Variants in LRRC4C observed in about 807,000 individuals in gnomAD.
LRRC4C encodes leucine-rich repeat-containing protein 4C.
In LRRC4C, 5 loss-of-function variants were observed where a neutral mutation model predicts 33.6. The observed-to-expected ratio is 0.15, with a 90% CI of 0.08 to 0.31. The LOEUF is 0.31. Among genes scored for constraint, LRRC4C ranks in the 10% least tolerant of loss-of-function variants. The pLI is 1.00. For synonymous variants in LRRC4C, 329 were observed against 302.0 expected (o/e 1.09, Z -0.93); for missense variants, 560 against 796.7 (o/e 0.70, Z 3.58).
chr11:41,336,457 C>T (rs1016576111), intron 1 of LRRC4C, among the ~76,000 whole-genome samples: 2 of 151,090 alleles, frequency 1.3e-5, no homozygotes, highest in Non-Finnish European at 3.0e-5. Flanking sequence ...AAAAAAATAT[C>T]GGGGGCCATA....
intron 6 of LRRC4C, among the ~76,000 whole-genome samples, chr11:40,128,313 C>A (rs1045325083): frequency 6.6e-6 from 1 of 152,182 alleles, no homozygotes; most frequent in Non-Finnish European, 1.5e-5. Flanking sequence ...TCTTCTTTGA[C>A]TTTTCTTTTT....
At chr11:40,461,005 G>A (rs1211650547) in intron 3 of LRRC4C, among the ~76,000 whole-genome samples, 1 of 152,102 alleles carries the variant, frequency 6.6e-6, no homozygotes, top group Non-Finnish European at 1.5e-5. Context: ...TATACCTATG[G>A]TAGGTACAGC....
intron 3 of LRRC4C, among the ~76,000 whole-genome samples, chr11:40,514,831 G>A (rs1399219436): frequency 2.0e-5 from 3 of 152,084 alleles, no homozygotes; most frequent in South Asian, 4.1e-4. Flanking sequence ...TTGGCAAGAA[G>A]TTTGTTAGAA....
intron 1 of LRRC4C, among the ~76,000 whole-genome samples, chr11:41,117,417 T>C (rs886343074): frequency 2.6e-5 from 4 of 152,194 alleles, no homozygotes; most frequent in African/African-American, 9.7e-5. Context: ...GGCTAACTAA[T>C]TTTATGATAT....
At chr11:40,990,717 C>T (rs905728688) in intron 1 of LRRC4C, among the ~76,000 whole-genome samples, 2 of 152,232 alleles carry the variant, frequency 1.3e-5, no homozygotes, top group East Asian at 1.9e-4. Flanking sequence ...AAGAGAAGAA[C>T]ACAAACTAAA....
intron 1 of LRRC4C, among the ~76,000 whole-genome samples, chr11:41,456,767 C>T (rs1956182913): frequency 6.6e-6 from 1 of 152,064 alleles, no homozygotes; most frequent in South Asian, 2.1e-4. Flanking sequence ...TGAAACAAAC[C>T]CTGGTAAACG....
chr11:40,496,038 C>A (rs974971080), intron 3 of LRRC4C, among the ~76,000 whole-genome samples: 8 of 151,854 alleles, frequency 5.3e-5, no homozygotes, highest in African/African-American at 1.9e-4. Context: ...CCTGGTTTCA[C>A]CAGGCTGGTT....
intron 1 of LRRC4C, among the ~76,000 whole-genome samples, chr11:41,265,274 G>A (rs1393364228): frequency 6.6e-6 from 1 of 152,034 alleles, no homozygotes; most frequent in African/African-American, 2.4e-5. Flanking sequence ...CACTCTGCAG[G>A]TGAACAAACC....
At chr11:40,263,086 C>T (rs1040104595) in intron 4 of LRRC4C, among the ~76,000 whole-genome samples, 1 of 152,016 alleles carries the variant, frequency 6.6e-6, no homozygotes, top group Non-Finnish European at 1.5e-5. Context: ...AAATAAGATG[C>T]TCCACAGTTT....
intron 1 of LRRC4C, among the ~76,000 whole-genome samples, chr11:41,423,674 A>C (rs1014382173): frequency 6.6e-5 from 10 of 152,094 alleles, no homozygotes; most frequent in African/African-American, 2.4e-4. Flanking sequence ...TACTTCTCAA[A>C]CATCTCAGAA....
chr11:41,355,540 T>C (rs1303768393), intron 1 of LRRC4C, among the ~76,000 whole-genome samples: 1 of 152,148 alleles, frequency 6.6e-6, no homozygotes, highest in Non-Finnish European at 1.5e-5. Context: ...TTTGTATATA[T>C]ATCAAGAGGG....
intron 2 of LRRC4C, among the ~76,000 whole-genome samples, chr11:40,732,656 C>T (rs1947650039): frequency 6.6e-6 from 1 of 152,166 alleles, no homozygotes; most frequent in Non-Finnish European, 1.5e-5. Context: ...TTATCACAAT[C>T]ATTACCTTCA....
At position 41,390,847 on chromosome 11, in the gene LRRC4C, A is replaced by G. The variant is rs761834013; in HGVS notation, c.-496+68584T>C. On this transcript the variant is annotated intron_variant, in intron 1 of 6. Coordinates refer to ENST00000528697, the MANE Select transcript of LRRC4C (RefSeq NM_001258419.2). ...GTGGGCAAGGACTAAGTTTGTCTTC[A>G]TCACCCACTGTGTTCCTGGCAAAGT... Among the ~76,000 whole-genome samples, 37 of 151,868 alleles carry G rather than the reference A, an allele frequency of 2.4e-4. 1 individual carries two copies. The highest frequency in any genetic ancestry group is 1.9e-4 in the Non-Finnish European group (13 of 67,906).
intron 5 of LRRC4C, among the ~76,000 whole-genome samples, chr11:40,149,884 G>A (rs973309317): frequency 6.6e-5 from 10 of 152,252 alleles, no homozygotes; most frequent in Middle Eastern, 6.8e-3. Context: ...AGTCAGAGAT[G>A]TGGGTGGTGA....
intron 1 of LRRC4C, among the ~76,000 whole-genome samples, chr11:41,158,369 C>A (rs1944323546): frequency 6.6e-6 from 1 of 151,834 alleles, no homozygotes; most frequent in Non-Finnish European, 1.5e-5. Context: ...AGATTGGTTC[C>A]AAAAAGAGAA....
In LRRC4C at chr11:40,114,533, A is replaced by T; in HGVS notation, c.1760T>A (p.Met587Lys). The T allele has an allele frequency of 6.2e-7, 1 of 1,614,178 alleles. No individual in the cohort carries two copies. Among genetic ancestry groups the T allele is most frequent in the Non-Finnish European group, 8.5e-7 (1 of 1,180,028 alleles). The part of the protein sequence containing the change: ...GDTPMESHLP[M>K]PAIEHEHLNH... ...TAGGTGCTCATGCTCGATAGCAGGC[A>T]TGGGCAGGTGGCTTTCCATGGGTGT... The change falls in exon 7 of 7, where the codon ATG becomes AAG. Residue 587 changes from methionine to lysine, a missense_variant. By Grantham distance (95) the Met-to-Lys change is moderately conservative. Around this residue, in one of 3 missense-constraint regions of LRRC4C, gnomAD observed 103 missense variants for 132.1 expected, o/e 0.78. Coordinates refer to ENST00000528697, the MANE Select transcript of LRRC4C (RefSeq NM_001258419.2).
At chr11:40,336,758 C>T (rs1396592792) in intron 3 of LRRC4C, among the ~76,000 whole-genome samples, 2 of 151,896 alleles carry the variant, frequency 1.3e-5, no homozygotes, top group Non-Finnish European at 2.9e-5. Context: ...GGGCAGATAG[C>T]GAGGTCAGGA....
At chr11:40,348,103 T>C (rs1947217815) in intron 3 of LRRC4C, among the ~76,000 whole-genome samples, 1 of 152,086 alleles carries the variant, frequency 6.6e-6, no homozygotes. Context: ...ACAATTACAA[T>C]AGTAACATCA....
Position 40,115,339 on chromosome 11 carries a change from G to A in LRRC4C, c.954C>T (p.Asp318=). The A allele has an allele frequency of 1.2e-6, 2 of 1,614,210 alleles. No homozygotes were observed. The highest frequency in any genetic ancestry group is 1.7e-6 in the Non-Finnish European group (2 of 1,180,036). Residue 318 remains aspartate (D), a synonymous_variant, in exon 7 of 7, where the codon GAC becomes GAT. Transcript: ENST00000528697. This position sits in a 1 kb window ranked among gnomAD's most constrained non-coding sequence, Gnocchi z 6.7. The part of the protein sequence containing the change: ...DILWLSWWIK[D]MAPSNTACCA... ...AACAAGCTGTGTTCGAGGGGGCCATGTCTTTTATCCACCAGCTGAGCCACA... is the reference window on the plus strand; with the variant it reads ...AACAAGCTGTGTTCGAGGGGGCCATATCTTTTATCCACCAGCTGAGCCACA...
Sources: allele counts gnomAD v4.1 joint callset (sites outside exome capture counted in the v4.1 genomes callset), GRCh38; gene constraint gnomAD v4.1.1; regional missense constraint gnomAD v4.1.1; non-coding constraint Gnocchi (gnomAD v3.1); transcripts MANE v1.5; gene names NCBI Gene and HGNC (gene_info 2026-07-23, HGNC 2026-07-21).